The following EHBP1 variants were observed in gnomAD, a reference collection of about 807,000 sequenced individuals.
EHBP1 encodes EH domain-binding protein 1.
In EHBP1, 55 loss-of-function variants were observed where a neutral mutation model predicts 144.0. The ratio of observed to expected loss-of-function variants is 0.38; its 90% CI spans 0.31 to 0.48. The LOEUF is 0.48. Among genes scored for constraint, EHBP1 ranks in the 20% least tolerant of loss-of-function variants. EHBP1 has a pLI of 0.98. For synonymous variants in EHBP1, 469 were observed against 472.7 expected, an observed-to-expected ratio of 0.99 and a Z score of 0.10; for missense variants, 1,200 against 1,364.2, an observed-to-expected ratio of 0.88 and a Z score of 1.90.
intron 2 of EHBP1, among the ~76,000 whole-genome samples, chr2:62,742,976 G>C (rs1217799196): frequency 1.3e-5 from 2 of 151,958 alleles, no homozygotes; most frequent in Non-Finnish European, 2.9e-5. Context: ...CCAGCATAAA[G>C]TAATATAAAT....
At chr2:62,963,571 T>C (rs1327802974) in intron 14 of EHBP1, among the ~76,000 whole-genome samples, 4 of 152,216 alleles carry the variant, frequency 2.6e-5, no homozygotes, top group Non-Finnish European at 4.4e-5. Flanking sequence ...TTCTTAGGAA[T>C]CAAAGCTTTA....
chr2:62,848,578 A>G (rs2048460571), intron 7 of EHBP1, among the ~76,000 whole-genome samples: 1 of 152,262 alleles, frequency 6.6e-6, no homozygotes. Context: ...ATGTTCATGA[A>G]TGGAATACTA....
At chr2:62,747,929 A>C (rs1484752246) in intron 3 of EHBP1, among the ~76,000 whole-genome samples, 2 of 152,022 alleles carry the variant, frequency 1.3e-5, no homozygotes, top group Non-Finnish European at 2.9e-5. Flanking sequence ...ATGAGGATGC[A>C]CTAAGAAGGC....
intron 19 of EHBP1, among the ~76,000 whole-genome samples, chr2:63,030,174 C>A (rs2061172783): frequency 6.6e-6 from 1 of 152,144 alleles, no homozygotes; most frequent in South Asian, 2.1e-4. Flanking sequence ...GTTATATCTA[C>A]AGGAGTTTCT....
At chr2:62,677,570 A>G (rs1286937974) in intron 1 of EHBP1, among the ~76,000 whole-genome samples, 1 of 152,142 alleles carries the variant, frequency 6.6e-6, no homozygotes, top group Admixed American at 6.5e-5. Flanking sequence ...TATGTTAACA[A>G]ATACTAGATC....
intron 14 of EHBP1, among the ~76,000 whole-genome samples, chr2:62,976,960 A>G (rs2058744897): frequency 6.6e-6 from 1 of 151,952 alleles, no homozygotes; most frequent in Non-Finnish European, 1.5e-5. Flanking sequence ...TTATGTTACC[A>G]AGAATTGGTG....
At chr2:62,869,262 AC>A (rs2050276651) in intron 9 of EHBP1, among the ~76,000 whole-genome samples, 1 of 152,232 alleles carries the variant, frequency 6.6e-6, no homozygotes, top group South Asian at 2.1e-4. Context: ...AGTTAAACAT[AC>A]ATGTATCACT....
chr2:62,912,542 A>G (rs2054306783), intron 10 of EHBP1, among the ~76,000 whole-genome samples: 1 of 152,144 alleles, frequency 6.6e-6, no homozygotes, highest in Non-Finnish European at 1.5e-5. Context: ...ACAGAGCAAG[A>G]CTCTGTCTCA....
intron 19 of EHBP1, among the ~76,000 whole-genome samples, chr2:63,021,983 C>G (rs1010820070): frequency 6.6e-6 from 1 of 151,802 alleles, no homozygotes; most frequent in Non-Finnish European, 1.5e-5. Context: ...GGCCAGGCTG[C>G]TCTCAAACTC....
Position 62,800,530 on chromosome 2 carries a change from T to C in EHBP1, c.313-25557T>C, listed in dbSNP as rs114588389. ...ATTGTGTTTTATACTGGCAGTTGTCTGGAGACTATATAAACTGTATCGCTG... is the reference window on the plus strand; with the variant it reads ...ATTGTGTTTTATACTGGCAGTTGTCCGGAGACTATATAAACTGTATCGCTG... On this transcript the variant is annotated intron_variant, in intron 5 of 22. Transcript: ENST00000431489. 2.6e-3 allele frequency among the ~76,000 whole-genome samples: 391 copies of C among 152,316 alleles called. 2 individuals carry two copies. Among genetic ancestry groups the C allele is most frequent in the African/African-American group, 8.7e-3 (363 of 41,562 alleles).
At chr2:63,039,640 C>A (rs905871642) in intron 21 of EHBP1, among the ~76,000 whole-genome samples, 1 of 151,996 alleles carries the variant, frequency 6.6e-6, no homozygotes, top group Non-Finnish European at 1.5e-5. Flanking sequence ...TGATAAGGTA[C>A]CTGATCCATA....
chr2:62,967,058 G>A lies in EHBP1; in HGVS notation c.2460+11398G>A, dbSNP rs1412502701. On this transcript the variant is annotated intron_variant, in intron 14 of 22. Coordinates refer to ENST00000431489, the MANE Select transcript of EHBP1 (RefSeq NM_001142616.3). ...AGAATCATAATTATGCCATGTACAA[G>A]TTCTTTGATAACATGTACAGTTTTC... 3.3e-5 allele frequency among the ~76,000 whole-genome samples: 5 copies of A among 152,152 alleles called. No individual in the cohort carries two copies. The East Asian group carries it at 7.7e-4, about 23-fold the overall frequency.
intron 14 of EHBP1, among the ~76,000 whole-genome samples, chr2:62,976,491 G>C (rs76308741): frequency 1.3e-5 from 2 of 152,122 alleles, no homozygotes; most frequent in Non-Finnish European, 2.9e-5. Flanking sequence ...AAAATTTTCA[G>C]ACTCATTAAC....
chr2:62,741,950 A>G (rs1454374720), intron 2 of EHBP1, among the ~76,000 whole-genome samples: 2 of 152,204 alleles, frequency 1.3e-5, no homozygotes, highest in Non-Finnish European at 2.9e-5. Context: ...CACATACATG[A>G]AGGTGGTCCC....
intron 17 of EHBP1, 82 bp from the exon 18 acceptor site, chr2:62,993,789 C>T: frequency 2.8e-6 from 3 of 1,069,788 alleles, no homozygotes; most frequent in Non-Finnish European, 3.9e-6. Context: ...TGTATATAAT[C>T]TGGTAATGTA....
chr2:62,884,539 A>T (rs989155920), intron 10 of EHBP1, among the ~76,000 whole-genome samples: 1 of 152,178 alleles, frequency 6.6e-6, no homozygotes, highest in Non-Finnish European at 1.5e-5. Context: ...CTACTGTGCA[A>T]ATCCATGCTC....
intron 19 of EHBP1, among the ~76,000 whole-genome samples, chr2:63,022,202 T>C (rs1054426160): frequency 4.6e-5 from 7 of 152,204 alleles, no homozygotes; most frequent in African/African-American, 1.4e-4. Context: ...TTCATTGTTA[T>C]GCAGGCTTAC....
chr2:62,859,428 C>G (rs1301479727), intron 8 of EHBP1, 137 bp downstream of exon 8: 1 of 804,094 alleles, frequency 1.2e-6, no homozygotes, highest in Non-Finnish European at 1.8e-6. Flanking sequence ...GTGTTCAATA[C>G]CACTTGGAGT....
At chr2:62,723,000 G>A (rs2151944167) in intron 2 of EHBP1, among the ~76,000 whole-genome samples, 1 of 152,320 alleles carries the variant, frequency 6.6e-6, no homozygotes, top group East Asian at 1.9e-4. Context: ...TGGATGGAGA[G>A]TTCTGTAGAT....
Sources: allele counts gnomAD v4.1 joint callset (sites outside exome capture counted in the v4.1 genomes callset), GRCh38; gene constraint gnomAD v4.1.1; transcripts MANE v1.5; gene names NCBI Gene and HGNC (gene_info 2026-07-23, HGNC 2026-07-21).